Variants in FIP1L1 observed in about 807,000 individuals in gnomAD.
FIP1L1 encodes pre-mRNA 3'-end-processing factor FIP1.
Under a neutral mutation model 84.6 loss-of-function variants are expected in FIP1L1, and 21 were observed. The observed-to-expected ratio is 0.25, with a 90% CI of 0.18 to 0.36. The LOEUF is 0.36. FIP1L1 is among the 10% of genes least tolerant of loss of function. FIP1L1 has a pLI of 1.00. For missense variants in FIP1L1, 526 were observed against 751.1 expected, an observed-to-expected ratio of 0.70 and a Z score of 3.50; for synonymous variants, 263 against 242.3, an observed-to-expected ratio of 1.09 and a Z score of -0.80.
chr4:53,418,462 A>G (rs754226363), intron 11 of FIP1L1, among the ~76,000 whole-genome samples: 28 of 152,242 alleles, frequency 1.8e-4, no homozygotes, highest in Non-Finnish European at 3.8e-4. Context: ...ATCTATATGT[A>G]TAACAGTGGC....
At chr4:53,394,181 T>TATCG (rs1166615017) in intron 9 of FIP1L1, among the ~76,000 whole-genome samples, 1 of 152,216 alleles carries the variant, frequency 6.6e-6, no homozygotes, top group Non-Finnish European at 1.5e-5. Context: ...TCTCAAAGGA[T>TATCG]ATTAATGATA....
chr4:53,409,128 A>G (rs1755591397), intron 10 of FIP1L1, among the ~76,000 whole-genome samples: 1 of 151,848 alleles, frequency 6.6e-6, no homozygotes, highest in Admixed American at 6.6e-5. Flanking sequence ...TTGTGGTTTT[A>G]TCTACTTTTG....
intron 15 of FIP1L1, among the ~76,000 whole-genome samples, chr4:53,452,442 C>T (rs933864984): frequency 6.6e-6 from 1 of 152,116 alleles, no homozygotes; most frequent in African/African-American, 2.4e-5. Flanking sequence ...CCTTAGCCTC[C>T]CAAATAGCCG....
chr4:53,440,122 C>G (rs1321208689), intron 13 of FIP1L1, among the ~76,000 whole-genome samples: 1 of 152,004 alleles, frequency 6.6e-6, no homozygotes, highest in Non-Finnish European at 1.5e-5. Context: ...CTTGAATGAA[C>G]CACAACATAT....
intron 13 of FIP1L1, among the ~76,000 whole-genome samples, chr4:53,433,836 G>T (rs1200056711): frequency 6.6e-6 from 1 of 151,954 alleles, no homozygotes; most frequent in East Asian, 1.9e-4. Context: ...AAAGACTGTT[G>T]TCTTGTATCA....
intron 11 of FIP1L1, among the ~76,000 whole-genome samples, chr4:53,420,632 G>A (rs1389210041): frequency 3.3e-5 from 5 of 151,858 alleles, no homozygotes; most frequent in East Asian, 1.9e-4. Context: ...ATTGTTACTC[G>A]AACATTAGAA....
rs1307190854 is a variant in FIP1L1, at chr4:53,401,861, T to TG, written c.815+2025dup. ...GGATCTGGAGTAGAAGGGAAGAGTATGGGCTGGAGATAATGAATTTAGGAT... is the reference window on the plus strand; with the variant it reads ...GGATCTGGAGTAGAAGGGAAGAGTATGGGGCTGGAGATAATGAATTTAGGAT... On this transcript the variant is annotated intron_variant, in intron 10 of 17. Transcript: ENST00000337488. Among the ~76,000 whole-genome samples, 3 of 152,184 alleles carry TG rather than the reference T, an allele frequency of 2.0e-5. No homozygotes were observed. The East Asian group carries it at 5.8e-4, about 29-fold the overall frequency.
rs1324286450 is a variant in FIP1L1, at chr4:53,387,473, G to A, written c.333-2336G>A. On this transcript the variant is annotated intron_variant, in intron 5 of 17. Coordinates refer to ENST00000337488, the MANE Select transcript of FIP1L1 (RefSeq NM_030917.4). Reference sequence around the variant, plus strand: ...ACATGTTTATTTTGGAGTTCCTATAGAAAGTCCAAGTATAGGATCTAGCAT... The same window carrying A: ...ACATGTTTATTTTGGAGTTCCTATAAAAAGTCCAAGTATAGGATCTAGCAT... 3.9e-5 allele frequency among the ~76,000 whole-genome samples: 6 copies of A among 152,308 alleles called. No individual in the cohort carries two copies. In the East Asian group the frequency reaches 1.2e-3, roughly 29 times the overall value.
At chr4:53,446,281 A>G (rs1560578198) in intron 15 of FIP1L1, among the ~76,000 whole-genome samples, 3 of 152,126 alleles carry the variant, frequency 2.0e-5, no homozygotes, top group African/African-American at 7.2e-5. Flanking sequence ...ATGTGACTTA[A>G]AGATATTCAG....
At position 53,390,685 on chromosome 4, in the gene FIP1L1, A is replaced by C. The variant is rs1173402904; in HGVS notation, c.505+57A>C. 3.4e-6 allele frequency: 4 copies of C among 1,184,658 alleles called. No individual in the cohort carries two copies. The Admixed American group carries it at 9.6e-5, about 29-fold the overall frequency. 73.4% of individuals were successfully genotyped at this position (1,184,658 alleles called of 1,614,324 possible). Reference sequence around the variant, plus strand: ...TATTTTCAGTGTGAAGTCATCAGAAAATTTTTTTGAACATCAATTTAGAAT... The same window carrying C: ...TATTTTCAGTGTGAAGTCATCAGAACATTTTTTTGAACATCAATTTAGAAT... On this transcript the variant is annotated intron_variant, in intron 7 of 17. Transcript: ENST00000337488.
intron 11 of FIP1L1, among the ~76,000 whole-genome samples, chr4:53,422,043 G>C (rs1762619347): frequency 6.6e-6 from 1 of 152,084 alleles, no homozygotes; most frequent in South Asian, 2.1e-4. Flanking sequence ...GCATTGTTGT[G>C]CTTCACTCAG....
Position 53,459,500 on chromosome 4 carries a change from A to G in FIP1L1, c.*51A>G. ...TTAGTACCAGAAGTAGATACTATAA[A>G]TCTTGTTATTTTTCTGGATAATGTT... On this transcript the variant is annotated 3_prime_UTR_variant, in exon 18 of 18. Transcript: ENST00000337488. 1.2e-6 allele frequency: 2 copies of G among 1,608,730 alleles called. No individual in the cohort carries two copies. The highest frequency in any genetic ancestry group is 1.7e-6 in the Non-Finnish European group (2 of 1,176,858).
At chr4:53,440,689 G>T in intron 13 of FIP1L1, 2 of 964,026 alleles carry the variant, frequency 2.1e-6, no homozygotes, top group South Asian at 1.4e-5. Context: ...AGACGGTGTT[G>T]ATGCGGTTAG....
intron 15 of FIP1L1, among the ~76,000 whole-genome samples, chr4:53,445,575 A>G (rs1773834388): frequency 1.3e-5 from 2 of 152,186 alleles, no homozygotes; most frequent in South Asian, 4.1e-4. Flanking sequence ...AGAAGTGACA[A>G]GATAAAGGAA....
chr4:53,385,500 A>G (rs1288921749), intron 5 of FIP1L1, among the ~76,000 whole-genome samples: 1 of 152,018 alleles, frequency 6.6e-6, no homozygotes, highest in African/African-American at 2.4e-5. Context: ...TGAATTCAAA[A>G]CTCTTCAAAA....
intron 5 of FIP1L1, among the ~76,000 whole-genome samples, chr4:53,384,283 C>A (rs1242920540): frequency 6.6e-6 from 1 of 151,952 alleles, no homozygotes; most frequent in South Asian, 2.1e-4. Context: ...GTGGTGGGCA[C>A]CTGTAATCCC....
intron 10 of FIP1L1, among the ~76,000 whole-genome samples, chr4:53,409,761 T>A (rs1204334539): frequency 6.6e-6 from 1 of 152,194 alleles, no homozygotes; most frequent in Admixed American, 6.5e-5. Flanking sequence ...GCTAGCAATC[T>A]GCGAGACTCC....
chr4:53,378,702 C>CT (rs1409869091), intron 1 of FIP1L1: 3 of 212,016 alleles, frequency 1.4e-5, no homozygotes, highest in East Asian at 1.3e-4. Flanking sequence ...TGGTTTTTAA[C>CT]TTTAAGTCAC....
At chr4:53,390,849 A>G (rs1743903513) in intron 7 of FIP1L1, among the ~76,000 whole-genome samples, 160 bp from the exon 8 acceptor site, 1 of 152,186 alleles carries the variant, frequency 6.6e-6, no homozygotes, top group South Asian at 2.1e-4. Flanking sequence ...TGTAAAGGGA[A>G]TAATTTGATC....
Sources: allele counts gnomAD v4.1 joint callset (sites outside exome capture counted in the v4.1 genomes callset), GRCh38; gene constraint gnomAD v4.1.1; transcripts MANE v1.5; gene names NCBI Gene and HGNC (gene_info 2026-07-23, HGNC 2026-07-21).